The following EFCAB14 variants were observed in gnomAD, a reference collection of about 807,000 sequenced individuals.
EFCAB14 encodes EF-hand calcium-binding domain-containing protein 14.
In EFCAB14, 43 loss-of-function variants were observed where a neutral mutation model predicts 56.5. That is an observed-to-expected ratio of 0.76 (90% CI 0.60 to 0.98). The LOEUF is 0.98. Among genes scored for constraint, EFCAB14 ranks in the 50% least tolerant of loss-of-function variants. The pLI, the probability that EFCAB14 is intolerant of heterozygous loss-of-function variation, is 0.00. For synonymous variants in EFCAB14, 235 were observed against 212.9 expected, an observed-to-expected ratio of 1.10 and a Z score of -0.90; for missense variants, 538 against 580.3, an observed-to-expected ratio of 0.93 and a Z score of 0.75.
intron 3 of EFCAB14, among the ~76,000 whole-genome samples, chr1:46,701,845 G>T (rs1365129531): frequency 6.6e-6 from 1 of 152,194 alleles, no homozygotes. Context: ...CTAGGACTTG[G>T]CTATTTAACC....
intron 3 of EFCAB14, among the ~76,000 whole-genome samples, chr1:46,703,566 A>G (rs937734756): frequency 3.3e-5 from 5 of 152,176 alleles, no homozygotes; most frequent in African/African-American, 1.2e-4. Flanking sequence ...TATCTAACAC[A>G]TGTATTTTTT....
chr1:46,716,841 G>T (rs1416864051), intron 1 of EFCAB14, among the ~76,000 whole-genome samples: 1 of 152,208 alleles, frequency 6.6e-6, no homozygotes, highest in African/African-American at 2.4e-5. Context: ...TCACTCCGGG[G>T]AACCTTGCTC....
intron 3 of EFCAB14, among the ~76,000 whole-genome samples, chr1:46,701,567 G>T (rs188923730): frequency 1.3e-5 from 2 of 152,198 alleles, no homozygotes; most frequent in Non-Finnish European, 2.9e-5. Flanking sequence ...GAAGTATCTC[G>T]GGAATGGTAG....
intron 4 of EFCAB14, 47 bp from the exon 5 acceptor site, chr1:46,691,984 C>A: frequency 7.1e-7 from 1 of 1,401,532 alleles, no homozygotes; most frequent in Non-Finnish European, 1.0e-6. Flanking sequence ...TAAGAGACAA[C>A]TGACATGCAA....
chr1:46,694,367 T>G (rs1021863774), intron 4 of EFCAB14, among the ~76,000 whole-genome samples: 1 of 152,094 alleles, frequency 6.6e-6, no homozygotes, highest in Non-Finnish European at 1.5e-5. Context: ...ACAAAGAACT[T>G]AAACAAATTT....
At chr1:46,704,985 G>A (rs928188066) in intron 3 of EFCAB14, among the ~76,000 whole-genome samples, 8 of 151,682 alleles carry the variant, frequency 5.3e-5, no homozygotes, top group Admixed American at 3.9e-4. Flanking sequence ...TCTTGTTTGA[G>A]CCAGTTTGAA....
intron 3 of EFCAB14, among the ~76,000 whole-genome samples, chr1:46,703,089 G>A (rs545148435): frequency 3.3e-5 from 5 of 151,724 alleles, no homozygotes; most frequent in Non-Finnish European, 5.9e-5. Context: ...CACAGGTTAG[G>A]TTCCTGTGAG....
At chr1:46,704,570 A>G (rs1677209137) in intron 3 of EFCAB14, among the ~76,000 whole-genome samples, 1 of 151,956 alleles carries the variant, frequency 6.6e-6, no homozygotes, top group Non-Finnish European at 1.5e-5. Context: ...TGTATGAAAT[A>G]ATGAGCCTCC....
At chr1:46,688,955 A>T (rs1676934472) in intron 6 of EFCAB14, among the ~76,000 whole-genome samples, 1 of 152,204 alleles carries the variant, frequency 6.6e-6, no homozygotes, top group African/African-American at 2.4e-5. Flanking sequence ...ATGTAACAAT[A>T]CCATAACAAG....
chr1:46,711,184 A>G (rs1677303622), intron 2 of EFCAB14, among the ~76,000 whole-genome samples: 2 of 152,236 alleles, frequency 1.3e-5, no homozygotes, highest in African/African-American at 4.8e-5. Flanking sequence ...CACTTGATTT[A>G]CACATGGTTT....
intron 4 of EFCAB14, among the ~76,000 whole-genome samples, chr1:46,692,264 T>C (rs973420209): frequency 1.3e-5 from 2 of 152,236 alleles, no homozygotes; most frequent in East Asian, 1.9e-4. Flanking sequence ...CTCAGCAGAA[T>C]TGGGATTCAT....
intron 9 of EFCAB14, 62 bp downstream of exon 9, chr1:46,684,429 C>G: frequency 7.3e-7 from 1 of 1,370,956 alleles, no homozygotes; most frequent in Non-Finnish European, 1.0e-6. Flanking sequence ...TCCCTGCTCC[C>G]CATGTGAGAG....
At chr1:46,688,276 T>C in intron 7 of EFCAB14, 77 bp downstream of exon 7, 2 of 1,403,774 alleles carry the variant, frequency 1.4e-6, no homozygotes, top group South Asian at 2.6e-5. Flanking sequence ...CAGAAGGCTG[T>C]TCTCAAAAGG....
In EFCAB14 at chr1:46,699,595, G is replaced by C. The variant is rs72681910; in HGVS notation, c.481-2946C>G. On this transcript the variant is annotated intron_variant, in intron 3 of 10. Coordinates refer to ENST00000371933, the MANE Select transcript of EFCAB14 (RefSeq NM_014774.3). ...AAGCAGAGTAGAAGACAGAGGCCGG[G>C]GGGTAGGAGATAAGGCTAGATAAGT... Among the ~76,000 whole-genome samples the C allele has an allele frequency of 5.9e-5, 9 of 152,274 alleles. No individual in the cohort carries two copies. In the South Asian group the frequency reaches 8.3e-4, roughly 14 times the overall value.
At position 46,678,633 on chromosome 1, in the gene EFCAB14, A is replaced by T; in HGVS notation, c.1316T>A (p.Leu439His). 6.2e-7 allele frequency: 1 copy of T among 1,608,376 alleles called. No individual in the cohort carries two copies. The highest frequency in any genetic ancestry group is 2.2e-5 in the East Asian group (1 of 44,750). ...SLPGVSSTED[L>H]QDLFRKTGQD... ...GCCAGTCTTGCGGAATAAATCCTGA[A>T]GATCTGTCAAAAATGAATTACAAAA... The change falls in exon 11 of 11, where the codon CTT becomes CAT. Residue 439 changes from leucine (L) to histidine (H), a missense_variant. Coordinates refer to ENST00000371933, the MANE Select transcript of EFCAB14 (RefSeq NM_014774.3).
chr1:46,687,825 T>C (rs1676910837), intron 7 of EFCAB14, among the ~76,000 whole-genome samples: 1 of 152,210 alleles, frequency 6.6e-6, no homozygotes, highest in Non-Finnish European at 1.5e-5. Context: ...GTGAACTCAA[T>C]GACCTCTTAA....
chr1:46,711,152 C>T (rs1286854202), intron 2 of EFCAB14, among the ~76,000 whole-genome samples: 2 of 152,168 alleles, frequency 1.3e-5, no homozygotes, highest in East Asian at 1.9e-4. Flanking sequence ...CCAGTAGTTC[C>T]CAGCAGGTGC....
intron 2 of EFCAB14, among the ~76,000 whole-genome samples, chr1:46,712,515 CCTAT>C (rs1343306089): frequency 2.0e-5 from 3 of 152,032 alleles, no homozygotes; most frequent in Non-Finnish European, 4.4e-5. Context: ...AAAGGCCAAG[CCTAT>C]CTGCTTTGCT....
chr1:46,684,467 T>C (rs1226834652), intron 9 of EFCAB14, 24 bp downstream of exon 9: 4 of 1,598,950 alleles, frequency 2.5e-6, no homozygotes, highest in Non-Finnish European at 3.4e-6. Flanking sequence ...CCATGAAATA[T>C]TAAGAAGCCG....
Sources: gnomAD v4.1 joint callset for allele counts (sites outside exome capture counted in the v4.1 genomes callset) on GRCh38, gnomAD v4.1.1 for gene constraint, MANE v1.5 for transcripts, NCBI Gene and HGNC (gene_info 2026-07-23, HGNC 2026-07-21) for gene names.